MAGI1: variants seen among roughly 807,000 people sequenced by gnomAD.
MAGI1 encodes membrane associated guanylate kinase, WW and PDZ domain containing 1.
MAGI1 carries 58 observed loss-of-function variants against 139.9 expected under a neutral mutation model. The ratio of observed to expected loss-of-function variants is 0.41; its 90% CI spans 0.34 to 0.52. The LOEUF (loss-of-function observed/expected upper bound fraction) is 0.52. Ranked by LOEUF, MAGI1 falls within the 20% of genes least tolerant of loss-of-function variation. The probability of loss-of-function intolerance (pLI) is 0.12; values close to 1 mark genes in which losing one functional copy is unlikely to be tolerated. For synonymous variants in MAGI1, 812 were observed against 737.9 expected (o/e 1.10, Z -1.63); for missense variants, 1,874 against 1,901.6 (o/e 0.99, Z 0.27).
intron 1 of MAGI1, among the ~76,000 whole-genome samples, chr3:65,726,476 C>T (rs1041449670): frequency 1.3e-5 from 2 of 152,162 alleles, no homozygotes; most frequent in Admixed American, 6.5e-5. Flanking sequence ...AATCACACAG[C>T]AAGGCAGGCA....
At chr3:65,469,370 T>C (rs564776056) in intron 5 of MAGI1, among the ~76,000 whole-genome samples, 6 of 152,260 alleles carry the variant, frequency 3.9e-5, no homozygotes, top group African/African-American at 7.2e-5. Flanking sequence ...CATTAAAACA[T>C]GGTGAATCTC....
intron 1 of MAGI1, among the ~76,000 whole-genome samples, chr3:65,792,789 T>C (rs181825224): frequency 2.0e-3 from 306 of 152,216 alleles, no homozygotes; most frequent in African/African-American, 6.9e-3. Flanking sequence ...AACTTATGAA[T>C]TGTTTATTTC....
In MAGI1 at chr3:65,517,960, G is replaced by A. The variant is rs566060210; in HGVS notation, c.431-24329C>T. Among the ~76,000 whole-genome samples the A allele has an allele frequency of 2.0e-4, 30 of 152,224 alleles. No homozygotes were observed. In the South Asian group the frequency reaches 5.2e-3, roughly 26 times the overall value. ...GGATCCCAAATGATATACTTAATATGTAATAACTTTAGATTTTTAAACAAA... is the reference window on the plus strand; with the variant it reads ...GGATCCCAAATGATATACTTAATATATAATAACTTTAGATTTTTAAACAAA... On this transcript the variant is annotated intron_variant, in intron 2 of 22. Transcript: ENST00000402939.
At chr3:65,528,698 C>T (rs2078499992) in intron 2 of MAGI1, among the ~76,000 whole-genome samples, 1 of 152,128 alleles carries the variant, frequency 6.6e-6, no homozygotes, top group South Asian at 2.1e-4. Flanking sequence ...CCAATATTTC[C>T]CCTCTTCTCA....
intron 1 of MAGI1, among the ~76,000 whole-genome samples, chr3:66,010,533 G>C (rs749174099): frequency 6.6e-6 from 1 of 152,092 alleles, no homozygotes; most frequent in African/African-American, 2.4e-5. Flanking sequence ...GGTGCAGGCC[G>C]GCAGATGATA....
chr3:65,669,610 T>C (rs1163437412), intron 1 of MAGI1, among the ~76,000 whole-genome samples: 1 of 152,196 alleles, frequency 6.6e-6, no homozygotes, highest in Non-Finnish European at 1.5e-5. Flanking sequence ...ATTGCTTTGA[T>C]TGTGTTTTGT....
chr3:65,568,384 C>T (rs1334170155), intron 2 of MAGI1, among the ~76,000 whole-genome samples: 1 of 152,030 alleles, frequency 6.6e-6, no homozygotes, highest in African/African-American at 2.4e-5. Flanking sequence ...TAGGTGATTC[C>T]TTGTTATGGT....
At chr3:65,612,731 T>C (rs865828928) in intron 2 of MAGI1, among the ~76,000 whole-genome samples, 5 of 152,180 alleles carry the variant, frequency 3.3e-5, no homozygotes, top group Non-Finnish European at 7.4e-5. Flanking sequence ...ATTGAACACA[T>C]TTGATACAAG....
chr3:65,471,850 C>A (rs1208664285), intron 4 of MAGI1, among the ~76,000 whole-genome samples: 2 of 152,122 alleles, frequency 1.3e-5, no homozygotes, highest in Non-Finnish European at 2.9e-5. Context: ...GAGGCTGGAG[C>A]CTGTTTGCTA....
chr3:65,811,354 T>C (rs916677138), intron 1 of MAGI1, among the ~76,000 whole-genome samples: 5 of 152,230 alleles, frequency 3.3e-5, no homozygotes, highest in Admixed American at 3.3e-4. Context: ...TTTTTTCTTA[T>C]TCCATTAGAC....
rs181584579 is a variant in MAGI1 at position 65,709,061 on chromosome 3, G to A, written c.314-86973C>T. Among the ~76,000 whole-genome samples, 1,030 of 152,284 alleles carry A rather than the reference G, an allele frequency of 6.8e-3. 15 individuals are homozygous for A. The highest frequency in any genetic ancestry group is 0.023 in the African/African-American group (955 of 41,552). ...AAGAGGGACAAGCCTGCACATCTGG[G>A]CTTTGGCATAACAGAAATTATGCTT... On this transcript the variant is annotated intron_variant, in intron 1 of 22. Transcript: ENST00000402939.
chr3:65,359,105 C>A (rs752655544), intron 22 of MAGI1: 1 of 1,614,066 alleles, frequency 6.2e-7, no homozygotes, highest in Admixed American at 1.7e-5. Context: ...CAAGCCTCCC[C>A]GAGCTTTTCA....
At chr3:65,706,923 T>A (rs1476230915) in intron 1 of MAGI1, among the ~76,000 whole-genome samples, 4 of 152,156 alleles carry the variant, frequency 2.6e-5, no homozygotes, top group Non-Finnish European at 5.9e-5. Context: ...TAAATCCTAG[T>A]CCTATAATTC....
chr3:65,769,110 G>A (rs2037740605), intron 1 of MAGI1, among the ~76,000 whole-genome samples: 1 of 152,210 alleles, frequency 6.6e-6, no homozygotes, highest in African/African-American at 2.4e-5. Context: ...ACTCAATATT[G>A]GCTTTCTTAC....
At chr3:66,037,268 G>C (rs2068977610) in intron 1 of MAGI1, among the ~76,000 whole-genome samples, 1 of 152,202 alleles carries the variant, frequency 6.6e-6, no homozygotes, top group Non-Finnish European at 1.5e-5. Context: ...CGGGCATGTA[G>C]TAAACCAACA....
chr3:65,383,141 T>C (rs1943184098), intron 15 of MAGI1, among the ~76,000 whole-genome samples: 1 of 152,156 alleles, frequency 6.6e-6, no homozygotes, highest in African/African-American at 2.4e-5. Context: ...CGAAGTACTC[T>C]CTGCACACCA....
intron 1 of MAGI1, among the ~76,000 whole-genome samples, chr3:65,908,234 A>T (rs2061515254): frequency 6.6e-6 from 1 of 152,142 alleles, no homozygotes; most frequent in South Asian, 2.1e-4. Context: ...ACGAAACAAC[A>T]AAACACCAAC....
At chr3:65,731,243 G>A (rs2034156239) in intron 1 of MAGI1, among the ~76,000 whole-genome samples, 1 of 152,110 alleles carries the variant, frequency 6.6e-6, no homozygotes, top group African/African-American at 2.4e-5. Context: ...GGGAATGTTT[G>A]TTTGCCATGT....
At chr3:65,797,225 T>C (rs530460558) in intron 1 of MAGI1, among the ~76,000 whole-genome samples, 1 of 152,312 alleles carries the variant, frequency 6.6e-6, no homozygotes, top group African/African-American at 2.4e-5. Context: ...CAATGGTCTC[T>C]TACATTTTCA....
Sources: allele counts gnomAD v4.1 joint callset (sites outside exome capture counted in the v4.1 genomes callset), GRCh38; gene constraint gnomAD v4.1.1; transcripts MANE v1.5; gene names NCBI Gene and HGNC (gene_info 2026-07-23, HGNC 2026-07-21).